PAPOLA: variants seen among roughly 807,000 people sequenced by gnomAD.
PAPOLA encodes poly(A) polymerase alpha, also known as polynucleotide adenylyltransferase alpha.
A neutral mutation model predicts 100.6 loss-of-function variants in PAPOLA; 15 were observed. The ratio of observed to expected loss-of-function variants is 0.15; its 90% CI spans 0.10 to 0.23. The LOEUF (loss-of-function observed/expected upper bound fraction) is 0.23. Among genes scored for constraint, PAPOLA ranks in the 10% least tolerant of loss-of-function variants. PAPOLA has a pLI of 1.00. For missense variants in PAPOLA, 533 were observed against 884.2 expected (o/e 0.60, Z 5.04); for synonymous variants, 293 against 300.0 (o/e 0.98, Z 0.24).
intron 21 of PAPOLA, among the ~76,000 whole-genome samples, chr14:96,563,192 G>T (rs1444242958): frequency 1.3e-5 from 2 of 152,084 alleles, no homozygotes; most frequent in East Asian, 3.8e-4. Context: ...GGTTTTATTT[G>T]TAGGTCAAAA....
intron 1 of PAPOLA, among the ~76,000 whole-genome samples, chr14:96,504,882 C>T (rs915312604): frequency 2.0e-5 from 3 of 152,052 alleles, no homozygotes; most frequent in African/African-American, 7.2e-5. Flanking sequence ...GTTTGGCTTT[C>T]ATTTTTGGTA....
chr14:96,502,426 G>T lies in PAPOLA; in HGVS notation c.-167G>T. The T allele has an allele frequency of 1.4e-6, 1 of 705,234 alleles. No homozygotes were observed. Among genetic ancestry groups the T allele is most frequent in the South Asian group, 1.5e-5 (1 of 66,888 alleles). The allele number at this position is 705,234 out of a possible 1,614,324, so 43.7% of individuals were successfully genotyped here. On this transcript the variant is annotated 5_prime_UTR_variant, in exon 1 of 22. Coordinates refer to ENST00000216277, the MANE Select transcript of PAPOLA (RefSeq NM_032632.5). ...GCTCGGGCGCCATGTTAGGACGAAGGGGAAGGAGGAGAAGCGCTTAAAGCG... is the reference window on the plus strand; with the variant it reads ...GCTCGGGCGCCATGTTAGGACGAAGTGGAAGGAGGAGAAGCGCTTAAAGCG...
At chr14:96,546,811 A>C (rs1900427931) in intron 15 of PAPOLA, among the ~76,000 whole-genome samples, 4 of 152,150 alleles carry the variant, frequency 2.6e-5, no homozygotes, top group Admixed American at 2.6e-4. Context: ...ATAAGGGATT[A>C]TGGATTTCTA....
chr14:96,565,973 G>A lies in PAPOLA; in HGVS notation c.*923G>A. On this transcript the variant is annotated 3_prime_UTR_variant, in exon 22 of 22. Coordinates refer to ENST00000216277, the MANE Select transcript of PAPOLA (RefSeq NM_032632.5). ...GCCATGATGTGAAACCAATGACCCT[G>A]TGACCACATGGCACAGAACACTAAA... 1 of 398,122 alleles carries A rather than the reference G, an allele frequency of 2.5e-6. No homozygotes were observed. Among genetic ancestry groups the A allele is most frequent in the Non-Finnish European group, 4.4e-6 (1 of 225,366 alleles). The allele number at this position is 398,122 out of a possible 1,614,324, so 24.7% of individuals were successfully genotyped here.
Position 96,531,471 on chromosome 14 carries a change from T to A in PAPOLA, c.496-4T>A. On this transcript the variant is annotated splice_region_variant and splice_polypyrimidine_tract_variant and intron_variant, in intron 6 of 21. Coordinates refer to ENST00000216277, the MANE Select transcript of PAPOLA (RefSeq NM_032632.5). The stretch of plus-strand genomic sequence containing the variant: ...TATGGAATGTTGTTTTGTTTGTGTT[T>A]CAGATTGATATTTTGTTTGCAAGAT... The A allele has an allele frequency of 6.3e-7, 1 of 1,594,364 alleles. No homozygotes were observed. Among genetic ancestry groups the A allele is most frequent in the Middle Eastern group, 1.7e-4 (1 of 5,982 alleles).
intron 20 of PAPOLA, among the ~76,000 whole-genome samples, chr14:96,561,687 A>G (rs1046775880): frequency 6.6e-6 from 1 of 152,214 alleles, no homozygotes; most frequent in African/African-American, 2.4e-5. Context: ...TGGAAGAAGA[A>G]TTATTGAGGA....
intron 6 of PAPOLA, among the ~76,000 whole-genome samples, chr14:96,530,562 T>G (rs1435877083): frequency 6.6e-6 from 1 of 151,504 alleles, no homozygotes. Context: ...TAATTTTTAA[T>G]TTTTTTTGTA....
chr14:96,522,101 CCTCTTTCTTTCTTT>C (rs1898022731), intron 3 of PAPOLA, among the ~76,000 whole-genome samples: 1 of 143,636 alleles, frequency 7.0e-6, no homozygotes, highest in African/African-American at 2.6e-5. Context: ...CTGCATCTAG[CCTCTTTCTTTCTTT>C]CTTTTTTTTT....
intron 9 of PAPOLA, chr14:96,533,008 T>G (rs1263169087): frequency 1.0e-6 from 1 of 989,012 alleles, no homozygotes; most frequent in Admixed American, 6.0e-5. Flanking sequence ...ATTCTCTATC[T>G]ATAGGCCATT....
intron 3 of PAPOLA, among the ~76,000 whole-genome samples, chr14:96,521,753 C>T (rs944662215): frequency 6.6e-6 from 1 of 151,502 alleles, no homozygotes; most frequent in African/African-American, 2.4e-5. Flanking sequence ...TGCTAGTGTT[C>T]CAGGCGTGAG....
In PAPOLA at chr14:96,560,709, A is replaced by G. The variant is rs1423393085; in HGVS notation, c.2065A>G (p.Lys689Glu). The G allele has an allele frequency of 1.3e-6, 2 of 1,573,068 alleles. No individual in the cohort carries two copies. The highest frequency in any genetic ancestry group is 1.7e-6 in the Non-Finnish European group (2 of 1,143,698). ...ALSGHDKTEA[K>E]EQLDTETSTT... is the part of the protein sequence containing the mutation. ...GAGTGGACATGATAAAACAGAAGCA[A>G]AGGTATACTAATTTAGCCTTTAGAA... Residue 689 changes from lysine (K) to glutamate (E), a missense_variant and splice_region_variant, in exon 20 of 22, where the codon AAG becomes GAG. Lys to Glu is a moderately conservative substitution (Grantham distance 56). Coordinates refer to ENST00000216277, the MANE Select transcript of PAPOLA (RefSeq NM_032632.5).
chr14:96,558,238 C>T (rs34603116), intron 19 of PAPOLA, among the ~76,000 whole-genome samples: 3 of 152,072 alleles, frequency 2.0e-5, no homozygotes, highest in Non-Finnish European at 4.4e-5. Flanking sequence ...CCTGGAGATC[C>T]TATTAAGAGC....
intron 16 of PAPOLA, among the ~76,000 whole-genome samples, chr14:96,551,465 A>T (rs887719850): frequency 6.6e-6 from 1 of 152,182 alleles, no homozygotes; most frequent in Non-Finnish European, 1.5e-5. Flanking sequence ...CATCTTCCCC[A>T]TTTGATCAAT....
chr14:96,541,768 A>G (rs1900013145), intron 12 of PAPOLA: 1 of 152,204 alleles, frequency 6.6e-6, no homozygotes, highest in Admixed American at 6.5e-5. Flanking sequence ...AATTTTCACT[A>G]CTATTTCATT....
At chr14:96,542,428 T>C (rs1284558963) in intron 13 of PAPOLA, 132 bp downstream of exon 13, 18 of 624,938 alleles carry the variant, frequency 2.9e-5, no homozygotes, top group South Asian at 2.6e-4. Flanking sequence ...AATGGAGCTT[T>C]ACTGTGTGTA....
chr14:96,535,251 G>C (rs928438075), intron 10 of PAPOLA: 32 of 928,562 alleles, frequency 3.4e-5, no homozygotes, highest in Non-Finnish European at 3.7e-5. Flanking sequence ...AAATTCTGTT[G>C]AATTACATCA....
At chr14:96,562,193 A>G (rs969343240) in intron 20 of PAPOLA, among the ~76,000 whole-genome samples, 4 of 151,898 alleles carry the variant, frequency 2.6e-5, no homozygotes, top group East Asian at 3.9e-4. Flanking sequence ...CGTCTGGCCT[A>G]TATTTTTATT....
intron 1 of PAPOLA, among the ~76,000 whole-genome samples, chr14:96,518,468 G>A (rs1897657165): frequency 6.6e-6 from 1 of 151,742 alleles, no homozygotes; most frequent in Admixed American, 6.6e-5. Context: ...GAGTGCAGTG[G>A]TGCGATCTCA....
intron 1 of PAPOLA, among the ~76,000 whole-genome samples, chr14:96,509,297 G>A (rs988760137): frequency 7.2e-5 from 11 of 152,192 alleles, no homozygotes; most frequent in Non-Finnish European, 1.5e-4. Context: ...CCAAATTGCC[G>A]AGATTACAGG....
Sources: gnomAD v4.1 joint callset for allele counts (sites outside exome capture counted in the v4.1 genomes callset) on GRCh38, gnomAD v4.1.1 for gene constraint, MANE v1.5 for transcripts, NCBI Gene and HGNC (gene_info 2026-07-23, HGNC 2026-07-21) for gene names.